The following BCO1 variants were observed in gnomAD, a reference collection of about 807,000 sequenced individuals.
The protein encoded by BCO1 is beta-carotene oxygenase 1.
Under a neutral mutation model 56.3 loss-of-function variants are expected in BCO1, and 54 were observed. The ratio of observed to expected loss-of-function variants is 0.96; its 90% CI spans 0.77 to 1.20. BCO1 has a LOEUF of 1.20. Ranked by LOEUF, BCO1 falls within the 50% of genes most tolerant of loss-of-function variation. The pLI, the probability that BCO1 is intolerant of heterozygous loss-of-function variation, is 0.00. For missense variants in BCO1, 801 were observed against 690.9 expected (o/e 1.16, Z -1.79); for synonymous variants, 318 against 266.1 (o/e 1.20, Z -1.90).
chr16:81,280,706 A>G (rs1907829349), intron 7 of BCO1, 151 bp from the exon 8 acceptor site: 1 of 665,722 alleles, frequency 1.5e-6, no homozygotes, highest in East Asian at 2.8e-5. Flanking sequence ...ACTAAGGATA[A>G]CAACAGGAAA....
chr16:81,253,664 A>G (rs899163354), intron 2 of BCO1, among the ~76,000 whole-genome samples: 2 of 152,078 alleles, frequency 1.3e-5, no homozygotes, highest in African/African-American at 4.8e-5. Flanking sequence ...ATCTCCCCCT[A>G]CAGAAATATC....
At chr16:81,290,160 G>T (rs1208062387) in intron 10 of BCO1, among the ~76,000 whole-genome samples, 188 bp from the exon 11 acceptor site, 4 of 152,196 alleles carry the variant, frequency 2.6e-5, no homozygotes, top group Non-Finnish European at 5.9e-5. Flanking sequence ...ACCGCGCCCG[G>T]CCTAGAACCA....
chr16:81,286,169 G>C (rs992045828), intron 9 of BCO1, among the ~76,000 whole-genome samples: 3 of 151,978 alleles, frequency 2.0e-5, no homozygotes, highest in Non-Finnish European at 4.4e-5. Context: ...TTACAGCCTC[G>C]AGCCACCATG....
intron 7 of BCO1, among the ~76,000 whole-genome samples, chr16:81,278,159 A>G (rs1224038030): frequency 2.6e-5 from 4 of 152,048 alleles, no homozygotes; most frequent in Admixed American, 2.6e-4. Flanking sequence ...CTCCTGCCTC[A>G]GTCTCCTGAG....
intron 2 of BCO1, among the ~76,000 whole-genome samples, chr16:81,258,247 G>A (rs981792759): frequency 2.6e-5 from 4 of 152,124 alleles, no homozygotes; most frequent in East Asian, 1.9e-4. Context: ...GGGGTAAGTC[G>A]TTACAGCAGC....
In BCO1 at chr16:81,290,439, T is replaced by C; in HGVS notation, c.1506T>C (p.Arg502=). 6.2e-7 allele frequency: 1 copy of C among 1,614,216 alleles called. No homozygotes were observed. Among genetic ancestry groups the C allele is most frequent in the Non-Finnish European group, 8.5e-7 (1 of 1,180,044 alleles). Residue 502 remains arginine (R), a synonymous_variant, in exon 11 of 11, where the codon CGT becomes CGC. Transcript: ENST00000258168. ...LDAKSFTELA[R]ASVDVDMHMD... Reference sequence around the variant, plus strand: ...CCAAAAGCTTTACGGAATTGGCCCGTGCCTCTGTTGATGTCGATATGCACA... The same window carrying C: ...CCAAAAGCTTTACGGAATTGGCCCGCGCCTCTGTTGATGTCGATATGCACA...
At chr16:81,262,617 C>T in intron 4 of BCO1, 1 of 354,154 alleles carries the variant, frequency 2.8e-6, no homozygotes, top group South Asian at 2.2e-5. Flanking sequence ...CACCTGAGGT[C>T]AGGAGTTTGA....
intron 7 of BCO1, among the ~76,000 whole-genome samples, chr16:81,277,444 G>T (rs1436035847): frequency 6.6e-6 from 1 of 152,182 alleles, no homozygotes; most frequent in Non-Finnish European, 1.5e-5. Flanking sequence ...CACGATGTGT[G>T]TGGCCCTGGA....
intron 2 of BCO1, among the ~76,000 whole-genome samples, chr16:81,249,093 T>TTTC (rs1491259240): frequency 2.5e-4 from 10 of 39,344 alleles, no homozygotes; most frequent in East Asian, 1.4e-3. Context: ...TCTTTCTTTC[T>TTTC]TTTTTTTTTT....
At chr16:81,283,993 G>C (rs989594123) in intron 8 of BCO1, among the ~76,000 whole-genome samples, 3 of 151,548 alleles carry the variant, frequency 2.0e-5, no homozygotes, top group African/African-American at 7.3e-5. Context: ...AGACCATCCT[G>C]GCTAACATGG....
chr16:81,244,256 C>G (rs534694492), intron 1 of BCO1, among the ~76,000 whole-genome samples: 1 of 152,296 alleles, frequency 6.6e-6, no homozygotes, highest in African/African-American at 2.4e-5. Context: ...CAGGGCTGTC[C>G]CCTAGAAAGA....
At chr16:81,250,943 A>G (rs1162152168) in intron 2 of BCO1, among the ~76,000 whole-genome samples, 1 of 152,092 alleles carries the variant, frequency 6.6e-6, no homozygotes, top group Non-Finnish European at 1.5e-5. Flanking sequence ...GTCCTCAAAG[A>G]TAGCGTTTGT....
At chr16:81,271,102 C>T (rs1020606898) in intron 7 of BCO1, among the ~76,000 whole-genome samples, 6 of 138,912 alleles carry the variant, frequency 4.3e-5, no homozygotes, top group African/African-American at 1.6e-4. Flanking sequence ...TACAATTTGC[C>T]CTTTTATTTA....
chr16:81,272,660 G>A (rs1328686081), intron 7 of BCO1, among the ~76,000 whole-genome samples: 3 of 152,176 alleles, frequency 2.0e-5, no homozygotes, highest in Non-Finnish European at 4.4e-5. Context: ...GACTTACAAA[G>A]GCTTCTGGCT....
At chr16:81,241,091 C>T (rs1436628429) in intron 1 of BCO1, among the ~76,000 whole-genome samples, 3 of 152,102 alleles carry the variant, frequency 2.0e-5, no homozygotes, top group East Asian at 3.9e-4. Context: ...GTGTTGGCCT[C>T]CCAGAGTGCT....
At position 81,238,691 on chromosome 16, in the gene BCO1, G is replaced by A; in HGVS notation, c.-218G>A. 3.4e-6 allele frequency: 2 copies of A among 592,074 alleles called. No homozygotes were observed. The highest frequency in any genetic ancestry group is 4.6e-4 in the Middle Eastern group (1 of 2,180). 36.7% of individuals were successfully genotyped at this position (592,074 alleles called of 1,614,324 possible). A position where few individuals can be genotyped will look rare whatever the true frequency, so the allele number is the denominator to read the frequency against. On this transcript the variant is annotated 5_prime_UTR_variant, in exon 1 of 11. Coordinates refer to ENST00000258168, the MANE Select transcript of BCO1 (RefSeq NM_017429.3). ...GTAACGCCAGCGCAGCTTCCCTTGT[G>A]AATGTAAAGAGATCCAGGGCTCTTG... is the stretch of plus-strand genomic sequence containing the variant.
chr16:81,270,584 T>C (rs1297718294), intron 7 of BCO1, among the ~76,000 whole-genome samples, 168 bp downstream of exon 7: 1 of 144,168 alleles, frequency 6.9e-6, no homozygotes, highest in Non-Finnish European at 1.6e-5. Flanking sequence ...TAATAAAAAC[T>C]TTAGAAAATA....
chr16:81,239,521 C>T (rs1376622957), intron 1 of BCO1, among the ~76,000 whole-genome samples: 1 of 152,172 alleles, frequency 6.6e-6, no homozygotes, highest in Non-Finnish European at 1.5e-5. Flanking sequence ...CATTGGAATG[C>T]CCCAGTGGGT....
chr16:81,267,117 G>GCTC (rs1473701050), intron 5 of BCO1, among the ~76,000 whole-genome samples: 1 of 152,132 alleles, frequency 6.6e-6, no homozygotes, highest in East Asian at 1.9e-4. Context: ...ATGGATGACT[G>GCTC]CTTTATTTCA....
Sources: gnomAD v4.1 joint callset for allele counts (sites outside exome capture counted in the v4.1 genomes callset) on GRCh38, gnomAD v4.1.1 for gene constraint, MANE v1.5 for transcripts, NCBI Gene and HGNC (gene_info 2026-07-23, HGNC 2026-07-21) for gene names.